The following NEIL3 variants were observed in gnomAD, a reference collection of about 807,000 sequenced individuals.
NEIL3 encodes nei like DNA glycosylase 3, also known as endonuclease 8-like 3.
NEIL3 carries 48 observed loss-of-function variants against 57.5 expected under a neutral mutation model. The ratio of observed to expected loss-of-function variants is 0.83; its 90% CI spans 0.66 to 1.06. The LOEUF (loss-of-function observed/expected upper bound fraction) is 1.06. NEIL3 is among the 50% of genes least tolerant of loss of function. The probability of loss-of-function intolerance (pLI) is 0.00; values close to 1 mark genes in which losing one functional copy is unlikely to be tolerated. For synonymous variants in NEIL3, 261 were observed against 253.2 expected, an observed-to-expected ratio of 1.03 and a Z score of -0.29; for missense variants, 717 against 739.1, an observed-to-expected ratio of 0.97 and a Z score of 0.35.
downstream of NEIL3, among the ~76,000 whole-genome samples, chr4:177,367,701 A>G (rs1735708986): frequency 6.6e-6 from 1 of 152,162 alleles, no homozygotes; most frequent in African/African-American, 2.4e-5. Flanking sequence ...TTATCTGCCC[A>G]TTTCCTGGTA....
At chr4:177,367,079 T>G (rs1735702120), downstream of NEIL3, among the ~76,000 whole-genome samples, 2 of 152,258 alleles carry the variant, frequency 1.3e-5, no homozygotes, top group Non-Finnish European at 1.5e-5. Flanking sequence ...AATTGATTTC[T>G]TGAAGCATTT....
intron 8 of NEIL3, among the ~76,000 whole-genome samples, chr4:177,360,193 T>C (rs1579010601): frequency 6.6e-6 from 1 of 152,194 alleles, no homozygotes; most frequent in African/African-American, 2.4e-5. Context: ...TGATATTGGG[T>C]AAGAAAAGAA....
intron 1 of NEIL3, among the ~76,000 whole-genome samples, chr4:177,316,864 C>G (rs17675654): frequency 0.085 from 12,951 of 152,118 alleles, 613 homozygotes; most frequent in South Asian, 0.11. Flanking sequence ...AGGTAGAAAG[C>G]CTCAAGATTA....
chr4:177,329,640 C>T (rs938150419), intron 2 of NEIL3, among the ~76,000 whole-genome samples: 3 of 152,150 alleles, frequency 2.0e-5, no homozygotes, highest in Admixed American at 1.3e-4. Flanking sequence ...TCAACACTCT[C>T]TTGTCAGTAA....
In NEIL3 at chr4:177,336,271, A is replaced by G. The variant is rs763398465; in HGVS notation, c.577A>G (p.Ile193Val). The change falls in exon 4 of 10, where the codon ATC becomes GTC. Residue 193 changes from isoleucine (I) to valine (V), a missense_variant. Physicochemically the swap from Ile to Val is conservative, Grantham distance 29. Coordinates refer to ENST00000264596, the MANE Select transcript of NEIL3 (RefSeq NM_018248.3). Reference sequence around the variant, plus strand: ...GAACGTATTGCCTGGAGTAGGGAACATCATCAAAAATGAAGCTCTCTTTGA... The same window carrying G: ...GAACGTATTGCCTGGAGTAGGGAACGTCATCAAAAATGAAGCTCTCTTTGA... ...DQNVLPGVGN[I>V]IKNEALFDSG... 2.5e-6 allele frequency: 4 copies of G among 1,614,226 alleles called. No individual in the cohort carries two copies. The highest frequency in any genetic ancestry group is 3.4e-6 in the Non-Finnish European group (4 of 1,180,038).
At position 177,362,528 on chromosome 4, in the gene NEIL3, C is replaced by T; in HGVS notation, c.*57C>T. On this transcript the variant is annotated 3_prime_UTR_variant, in exon 10 of 10. Transcript: ENST00000264596. ...CAAACTGTGTATAATGTTTGGTCCT[C>T]CTCTGTTTCATAGAAAAGTCATAGA... 7.7e-7 allele frequency: 1 copy of T among 1,307,110 alleles called. No individual in the cohort carries two copies. Among genetic ancestry groups the T allele is most frequent in the East Asian group, 2.4e-5 (1 of 41,234 alleles). The allele number at this position is 1,307,110 out of a possible 1,614,324, so 81.0% of individuals were successfully genotyped here.
At position 177,360,521 on chromosome 4, in the gene NEIL3, G is replaced by A. The variant is rs757592764; in HGVS notation, c.1479G>A (p.Met493Ile). 28 of 1,613,528 alleles carry A rather than the reference G, an allele frequency of 1.7e-5. No individual in the cohort carries two copies. The highest frequency in any genetic ancestry group is 5.0e-5 in the Admixed American group (3 of 59,986). The change falls in exon 9 of 10, where the codon ATG becomes ATA. Residue 493 changes from methionine to isoleucine, a missense_variant. Physicochemically the swap from Met to Ile is conservative, Grantham distance 10. Transcript: ENST00000264596. ...GYSNSELQIN[M>I]TDGPRTLNPD... ...ATTACAGTGAACTTCAAATTAATAT[G>A]ACAGATGGCCCTCGTACCTTAAATC...
Position 177,360,564 on chromosome 4 carries a change from A to C in NEIL3, c.1522A>C (p.Ser508Arg). 6.2e-7 allele frequency: 1 copy of C among 1,614,164 alleles called. No homozygotes were observed. The highest frequency in any genetic ancestry group is 8.5e-7 in the Non-Finnish European group (1 of 1,179,986). Residue 508 changes from serine to arginine, a missense_variant, in exon 9 of 10, where the codon AGT becomes CGT. Physicochemically the swap from Ser to Arg is moderately radical, Grantham distance 110 (BLOSUM62 -1). Coordinates refer to ENST00000264596, the MANE Select transcript of NEIL3 (RefSeq NM_018248.3). ...RTLNPDSPRC[S>R]KHNRLCILRV... ...CTTAAATCCTGACAGCCCTCGCTGC[A>C]GTAAACACAACCGCCTCTGCATTCT...
chr4:177,315,008 G>T (rs1359088180), intron 1 of NEIL3, among the ~76,000 whole-genome samples: 5 of 148,908 alleles, frequency 3.4e-5, no homozygotes, highest in African/African-American at 1.2e-4. Flanking sequence ...GGTGGAGCTT[G>T]CAGTGAGCCG....
At chr4:177,352,293 G>C (rs997149999) in intron 7 of NEIL3, among the ~76,000 whole-genome samples, 1 of 152,198 alleles carries the variant, frequency 6.6e-6, no homozygotes, top group African/African-American at 2.4e-5. Flanking sequence ...GCTTTGCTGT[G>C]CTGCATCTCC....
In NEIL3 at chr4:177,309,915, A is replaced by G. The variant is rs1429748512; in HGVS notation, c.-39A>G. 1 of 1,595,948 alleles carries G rather than the reference A, an allele frequency of 6.3e-7. No homozygotes were observed. ...TGAGTTGCACAGCGGTATTCTCACC[A>G]GGCCCTGCAATCGGTGGGCCACAGT... is the stretch of plus-strand genomic sequence containing the variant. On this transcript the variant is annotated 5_prime_UTR_variant, in exon 1 of 10. Transcript: ENST00000264596.
At chr4:177,348,858 ATTTTT>A (rs749391559) in intron 6 of NEIL3, among the ~76,000 whole-genome samples, 10 of 73,714 alleles carry the variant, frequency 1.4e-4, no homozygotes, top group Admixed American at 4.4e-4. Flanking sequence ...TGGCTCATGA[ATTTTT>A]TTTTTTTTTT....
downstream of NEIL3, among the ~76,000 whole-genome samples, chr4:177,366,201 A>G (rs1387772539): frequency 6.6e-6 from 1 of 152,224 alleles, no homozygotes; most frequent in African/African-American, 2.4e-5. Context: ...AAAGCAGGAA[A>G]TTAGCTTGTG....
chr4:177,370,206 G>A, the NEIL3 span, among the ~76,000 whole-genome samples: 1 of 152,276 alleles, frequency 6.6e-6, no homozygotes, highest in South Asian at 2.1e-4. Flanking sequence ...CATACATGAC[G>A]AATTTTGAGA....
chr4:177,353,660 T>C lies in NEIL3; in HGVS notation c.1392T>C (p.His464=). The part of the protein sequence containing the change: ...SSESKLFSPA[H]KKPKTAQYSS... ...AATCTAAATTATTTAGTCCAGCACATAAAAAACCGAAAACAGCCCAATACT... is the reference window on the plus strand; with the variant it reads ...AATCTAAATTATTTAGTCCAGCACACAAAAAACCGAAAACAGCCCAATACT... Residue 464 remains histidine, a synonymous_variant, in exon 8 of 10, where the codon CAT becomes CAC. Transcript: ENST00000264596. The C allele has an allele frequency of 1.2e-6, 2 of 1,613,000 alleles. No homozygotes were observed. Among genetic ancestry groups the C allele is most frequent in the Non-Finnish European group, 1.7e-6 (2 of 1,179,598 alleles).
chr4:177,360,603 A>C lies in NEIL3; in HGVS notation c.1561A>C (p.Lys521Gln). Residue 521 changes from lysine to glutamine, a missense_variant, in exon 9 of 10, where the codon AAG becomes CAG. Lys to Gln is a moderately conservative substitution (Grantham distance 53). Coordinates refer to ENST00000264596, the MANE Select transcript of NEIL3 (RefSeq NM_018248.3). Reference protein sequence around the residue: ...NRLCILRVVGKDGENKGRQFY... With the variant: ...NRLCILRVVGQDGENKGRQFY... ...CCTCTGCATTCTCCGAGTTGTGGGGAAGGATGGGGAAAACAAGGGCAGGCA... is the reference window on the plus strand; with the variant it reads ...CCTCTGCATTCTCCGAGTTGTGGGGCAGGATGGGGAAAACAAGGGCAGGCA... 1 of 1,614,070 alleles carries C rather than the reference A, an allele frequency of 6.2e-7. No homozygotes were observed. The highest frequency in any genetic ancestry group is 8.5e-7 in the Non-Finnish European group (1 of 1,179,954).
intron 1 of NEIL3, among the ~76,000 whole-genome samples, chr4:177,317,152 T>G (rs556857901): frequency 1.3e-5 from 2 of 152,352 alleles, no homozygotes; most frequent in African/African-American, 4.8e-5. Context: ...AACATGTATG[T>G]TACAATATTA....
chr4:177,344,887 A>T (rs759112271), intron 6 of NEIL3, among the ~76,000 whole-genome samples: 5 of 152,128 alleles, frequency 3.3e-5, no homozygotes, highest in Non-Finnish European at 5.9e-5. Flanking sequence ...ATTATTTGCT[A>T]GCTAATATAA....
intron 1 of NEIL3, 21 bp downstream of exon 1, chr4:177,310,130 G>C (rs754377546): frequency 1.2e-5 from 18 of 1,536,682 alleles, no homozygotes; most frequent in Non-Finnish European, 1.4e-5. Context: ...CCTGTAACAG[G>C]CCATGCAGTC....
Sources: allele counts gnomAD v4.1 joint callset (sites outside exome capture counted in the v4.1 genomes callset), GRCh38; gene constraint gnomAD v4.1.1; transcripts MANE v1.5; gene names NCBI Gene and HGNC (gene_info 2026-07-23, HGNC 2026-07-21).